PCSK5: variants seen among roughly 807,000 people sequenced by gnomAD.
PCSK5 encodes the protein proprotein convertase subtilisin/kexin type 5.
Under a neutral mutation model 233.2 loss-of-function variants are expected in PCSK5, and 129 were observed. The observed-to-expected ratio is 0.55, with a 90% CI of 0.48 to 0.64. The LOEUF (loss-of-function observed/expected upper bound fraction) is 0.64, where lower values mean the gene tolerates loss of function less well. Ranked by LOEUF, PCSK5 falls within the 30% of genes least tolerant of loss-of-function variation. PCSK5 has a pLI of 0.00. For missense variants in PCSK5, 2,076 were observed against 2,430.1 expected, an observed-to-expected ratio of 0.85 and a Z score of 3.06; for synonymous variants, 825 against 879.2, an observed-to-expected ratio of 0.94 and a Z score of 1.09.
chr9:76,203,975 A>G (rs1416733843), intron 20 of PCSK5, among the ~76,000 whole-genome samples: 1 of 152,206 alleles, frequency 6.6e-6, no homozygotes, highest in East Asian at 1.9e-4. Flanking sequence ...GGATGATGGT[A>G]ATCCTACCTC....
Position 76,255,672 on chromosome 9 carries a change from A to AT in PCSK5, c.3142+14998dup, listed in dbSNP as rs879264409. Among the ~76,000 whole-genome samples the AT allele has an allele frequency of 8.5e-3, 1,289 of 150,874 alleles. 10 individuals carry two copies. The highest frequency in any genetic ancestry group is 0.014 in the Non-Finnish European group (916 of 67,602). ...ATCAAGGCCCCATTTCTACAAATAA[A>AT]TTTTTTTTTTAAGTTAGCCTGGTGC... On this transcript the variant is annotated intron_variant, in intron 24 of 37. Transcript: ENST00000674117.
chr9:76,319,275 C>T (rs145053390), intron 30 of PCSK5, among the ~76,000 whole-genome samples: 9 of 151,784 alleles, frequency 5.9e-5, no homozygotes, highest in Non-Finnish European at 1.2e-4. Flanking sequence ...CCATTGTGGG[C>T]GGAGGATTAC....
intron 33 of PCSK5, among the ~76,000 whole-genome samples, chr9:76,329,438 G>A (rs1022036443): frequency 6.6e-6 from 1 of 152,086 alleles, no homozygotes; most frequent in African/African-American, 2.4e-5. Flanking sequence ...GGGATTACAG[G>A]CATGAACCAC....
At chr9:76,252,527 A>G (rs920931635) in intron 24 of PCSK5, among the ~76,000 whole-genome samples, 2 of 152,202 alleles carry the variant, frequency 1.3e-5, no homozygotes, top group African/African-American at 4.8e-5. Flanking sequence ...GATTGAGCAC[A>G]CAGGGGAGAG....
chr9:76,068,079 G>T (rs41310059), intron 6 of PCSK5, 36 bp downstream of exon 6: 3 of 1,441,808 alleles, frequency 2.1e-6, no homozygotes, highest in Non-Finnish European at 2.9e-6. Context: ...GTAGAAATGC[G>T]CCAGTTAGCT....
chr9:76,345,495 G>A (rs760433238), intron 35 of PCSK5, among the ~76,000 whole-genome samples: 4 of 151,320 alleles, frequency 2.6e-5, no homozygotes, highest in African/African-American at 9.7e-5. Context: ...CTTGGTTTAC[G>A]GCAAGCTCTG....
intron 2 of PCSK5, among the ~76,000 whole-genome samples, chr9:75,963,152 A>T (rs190434217): frequency 4.4e-4 from 67 of 152,326 alleles, no homozygotes; most frequent in Non-Finnish European, 8.7e-4. Flanking sequence ...CAAAGTTAAA[A>T]GATCAGATTG....
chr9:76,310,568 G>T, intron 29 of PCSK5, 88 bp from the exon 30 acceptor site: 2 of 777,634 alleles, frequency 2.6e-6, no homozygotes, highest in Non-Finnish European at 1.9e-6. Context: ...TGGATACTTT[G>T]GTCTTTGGAA....
At chr9:76,325,478 G>A (rs62565737) in intron 32 of PCSK5, among the ~76,000 whole-genome samples, 2,581 of 152,250 alleles carry the variant, frequency 0.017, 24 homozygotes, top group Non-Finnish European at 0.026. Context: ...TAATTCTGAT[G>A]CTTAGTGTGG....
chr9:76,281,573 C>A (rs542226204), intron 24 of PCSK5, among the ~76,000 whole-genome samples: 10 of 152,306 alleles, frequency 6.6e-5, no homozygotes, highest in African/African-American at 2.2e-4. Flanking sequence ...TGGAGATGTG[C>A]AAGATTAATG....
chr9:75,926,688 A>G (rs1823506062), intron 1 of PCSK5, among the ~76,000 whole-genome samples: 1 of 152,230 alleles, frequency 6.6e-6, no homozygotes, highest in Non-Finnish European at 1.5e-5. Flanking sequence ...TAATGGAATC[A>G]TATGGTATGC....
At chr9:75,911,571 C>T (rs975799162) in intron 1 of PCSK5, among the ~76,000 whole-genome samples, 4 of 152,088 alleles carry the variant, frequency 2.6e-5, no homozygotes, top group African/African-American at 4.8e-5. Flanking sequence ...ATAAATCACC[C>T]GAAACTCAGT....
intron 9 of PCSK5, among the ~76,000 whole-genome samples, chr9:76,124,524 A>AGG (rs1832765069): frequency 6.6e-6 from 1 of 150,942 alleles, no homozygotes; most frequent in Non-Finnish European, 1.5e-5. Context: ...AGGCAGGCAG[A>AGG]TCAGGAGGTC....
intron 7 of PCSK5, among the ~76,000 whole-genome samples, chr9:76,074,828 A>C (rs1830589319): frequency 6.6e-6 from 1 of 152,212 alleles, no homozygotes; most frequent in Admixed American, 6.5e-5. Context: ...AAACTATTTA[A>C]ATTTGTCCTC....
intron 4 of PCSK5, 124 bp from the exon 5 acceptor site, chr9:76,026,837 A>C: frequency 1.6e-6 from 1 of 617,942 alleles, no homozygotes; most frequent in Non-Finnish European, 2.9e-6. Context: ...CCGTGAGGTG[A>C]GCGTATTAGT....
At chr9:76,330,957 C>G (rs199976772) in intron 33 of PCSK5, among the ~76,000 whole-genome samples, 367 of 152,250 alleles carry the variant, frequency 2.4e-3, no homozygotes, top group African/African-American at 8.5e-3. Flanking sequence ...ATCTCAGATG[C>G]CTTCATATAG....
chr9:76,155,702 T>G (rs181774192), intron 10 of PCSK5, among the ~76,000 whole-genome samples: 1 of 151,970 alleles, frequency 6.6e-6, no homozygotes, highest in African/African-American at 2.4e-5. Context: ...GTTACCAGAG[T>G]AGAAAGGAGA....
rs377078268 is a variant in PCSK5, at chr9:76,175,320, CAGAAT to C, written c.1900+201_1900+205del. ...TAGAATAGAATAGAATAGAACAGAA[CAGAAT>C]AGAATAGAACAGAACAATCTACTAC... On this transcript the variant is annotated intron_variant, in intron 14 of 37. Transcript: ENST00000674117. The C allele has an allele frequency of 6.4e-3, 3,021 of 475,364 alleles. 18 individuals are homozygous for C. The highest frequency in any genetic ancestry group is 0.018 in the Admixed American group (474 of 26,404). The allele number at this position is 475,364 out of a possible 1,614,324, so 29.4% of individuals were successfully genotyped here.
chr9:76,076,664 C>T (rs1254868284), intron 7 of PCSK5, among the ~76,000 whole-genome samples: 2 of 152,072 alleles, frequency 1.3e-5, no homozygotes, highest in African/African-American at 4.8e-5. Flanking sequence ...CAAAATGCTC[C>T]CTACTTGTTT....
Sources: gnomAD v4.1 joint callset for allele counts (sites outside exome capture counted in the v4.1 genomes callset) on GRCh38, gnomAD v4.1.1 for gene constraint, MANE v1.5 for transcripts, NCBI Gene and HGNC (gene_info 2026-07-23, HGNC 2026-07-21) for gene names.